Variants in ADAMTS20 observed in about 807,000 individuals in gnomAD.
ADAMTS20 encodes A disintegrin and metalloproteinase with thrombospondin motifs 20.
Under a neutral mutation model 260.1 loss-of-function variants are expected in ADAMTS20, and 225 were observed. The ratio of observed to expected loss-of-function variants is 0.87; its 90% CI spans 0.78 to 0.97. ADAMTS20 has a LOEUF of 0.97. Ranked by LOEUF, ADAMTS20 falls within the 50% of genes least tolerant of loss-of-function variation. The pLI, the probability that ADAMTS20 is intolerant of heterozygous loss-of-function variation, is 0.00. For missense variants in ADAMTS20, 2,400 were observed against 2,337.7 expected, an observed-to-expected ratio of 1.03 and a Z score of -0.55; for synonymous variants, 802 against 769.5, an observed-to-expected ratio of 1.04 and a Z score of -0.70.
chr12:43,462,640 A>G (rs1942083748), intron 11 of ADAMTS20, among the ~76,000 whole-genome samples: 1 of 152,228 alleles, frequency 6.6e-6, no homozygotes, highest in Admixed American at 6.5e-5. Flanking sequence ...ATACATAGAT[A>G]ACTATATATC....
chr12:43,483,195 A>G (rs1384307837), intron 7 of ADAMTS20, among the ~76,000 whole-genome samples: 1 of 152,082 alleles, frequency 6.6e-6, no homozygotes, highest in East Asian at 1.9e-4. Context: ...CCCAGCACCA[A>G]CCTGGGGTGT....
intron 3 of ADAMTS20, among the ~76,000 whole-genome samples, chr12:43,505,382 A>G (rs1942827248): frequency 6.6e-6 from 1 of 152,204 alleles, no homozygotes. Flanking sequence ...TTTACAAACT[A>G]TATATCTGAT....
intron 2 of ADAMTS20, among the ~76,000 whole-genome samples, chr12:43,539,243 G>A (rs145393120): frequency 5.3e-5 from 8 of 152,182 alleles, no homozygotes; most frequent in South Asian, 4.2e-4. Context: ...GAGCCACCAC[G>A]CCCAGGCTTT....
chr12:43,434,289 A>C lies in ADAMTS20; in HGVS notation c.2676T>G (p.Leu892=). The C allele has an allele frequency of 1.3e-6, 2 of 1,591,390 alleles. No homozygotes were observed. The highest frequency in any genetic ancestry group is 2.3e-5 in the East Asian group (1 of 44,330). Residue 892 remains leucine, a synonymous_variant, in exon 19 of 39, where the codon CTT becomes CTG. Transcript: ENST00000389420. ...TGCAACTTTGAGTAACAAATGATGG[A>C]AGTGGCAAGTGGTCACATTCTTTAT... ...VSDKECDHLP[L]PSFVTQSCNT...
chr12:43,373,418 A>G (rs960713114), intron 36 of ADAMTS20, among the ~76,000 whole-genome samples: 2 of 152,204 alleles, frequency 1.3e-5, no homozygotes, highest in African/African-American at 4.8e-5. Flanking sequence ...AGGGATGTCT[A>G]ATCTTTTGGC....
intron 16 of ADAMTS20, among the ~76,000 whole-genome samples, chr12:43,441,116 T>A (rs371203815): frequency 6.6e-6 from 1 of 151,190 alleles, no homozygotes; most frequent in East Asian, 1.9e-4. Flanking sequence ...TAGAAGGCCA[T>A]GCAATGACTA....
At chr12:43,525,684 T>A (rs1023962076) in intron 3 of ADAMTS20, among the ~76,000 whole-genome samples, 3 of 152,044 alleles carry the variant, frequency 2.0e-5, no homozygotes, top group African/African-American at 7.3e-5. Context: ...GAAAAATACA[T>A]TGAATGCAAA....
At chr12:43,474,356 C>T (rs1221711290) in intron 7 of ADAMTS20, among the ~76,000 whole-genome samples, 1 of 149,280 alleles carries the variant, frequency 6.7e-6, no homozygotes, top group African/African-American at 2.5e-5. Flanking sequence ...AATAGTTTAC[C>T]AACCAAAAAG....
intron 16 of ADAMTS20, among the ~76,000 whole-genome samples, chr12:43,440,929 C>T (rs894840466): frequency 6.6e-6 from 1 of 151,946 alleles, no homozygotes; most frequent in African/African-American, 2.4e-5. Flanking sequence ...GCCGGGCGTA[C>T]TGGCGGGCGC....
At chr12:43,500,068 G>A (rs935308206) in intron 4 of ADAMTS20, among the ~76,000 whole-genome samples, 20 of 150,094 alleles carry the variant, frequency 1.3e-4, no homozygotes, top group Non-Finnish European at 2.5e-4. Context: ...TCAGTCTGTC[G>A]GCCAGACTGG....
chr12:43,483,729 GA>G (rs1942476475), intron 7 of ADAMTS20, among the ~76,000 whole-genome samples: 1 of 152,076 alleles, frequency 6.6e-6, no homozygotes, highest in Non-Finnish European at 1.5e-5. Flanking sequence ...TCTTCCCCTT[GA>G]AAAGTCCTCA....
intron 18 of ADAMTS20, among the ~76,000 whole-genome samples, chr12:43,436,047 G>C (rs916470428): frequency 6.6e-6 from 1 of 151,886 alleles, no homozygotes; most frequent in East Asian, 1.9e-4. Flanking sequence ...AAATGACTAT[G>C]AGAAATTCTG....
In ADAMTS20 at chr12:43,462,907, G is replaced by GC; in HGVS notation, c.1601dup (p.Cys534TrpfsTer25). 6.2e-7 allele frequency: 1 copy of GC among 1,604,168 alleles called. No homozygotes were observed. Among genetic ancestry groups the GC allele is most frequent in the East Asian group, 2.2e-5 (1 of 44,696 alleles). On this transcript the variant is annotated frameshift_variant, in exon 11 of 39. Coordinates refer to ENST00000389420, the MANE Select transcript of ADAMTS20 (RefSeq NM_025003.5). LOFTEE classifies it high-confidence loss of function. ...CAAGAAAACCTACCATTCCAGGACC[G>GC]CAGTCTGTTCCATCTGCTGGTGGCA...
intron 3 of ADAMTS20, among the ~76,000 whole-genome samples, chr12:43,526,513 A>T (rs1943145949): frequency 6.6e-6 from 1 of 152,186 alleles, no homozygotes; most frequent in Admixed American, 6.5e-5. Flanking sequence ...GAAGTAAAAC[A>T]AGAAATCAAC....
At chr12:43,445,193 G>A (rs1365799029) in intron 15 of ADAMTS20, among the ~76,000 whole-genome samples, 2 of 152,072 alleles carry the variant, frequency 1.3e-5, no homozygotes, top group Non-Finnish European at 2.9e-5. Flanking sequence ...TTAACGCATT[G>A]TTCTATTTGC....
intron 2 of ADAMTS20, among the ~76,000 whole-genome samples, chr12:43,540,673 T>C (rs2137520403): frequency 6.6e-6 from 1 of 152,260 alleles, no homozygotes; most frequent in South Asian, 2.1e-4. Flanking sequence ...GAATTGTACT[T>C]AGATCATGCC....
intron 11 of ADAMTS20, 94 bp downstream of exon 11, chr12:43,462,801 T>C: frequency 1.0e-6 from 1 of 983,784 alleles, no homozygotes; most frequent in Non-Finnish European, 1.5e-6. Context: ...TGAAGAAAAG[T>C]TGACAGCAAA....
intron 4 of ADAMTS20, among the ~76,000 whole-genome samples, chr12:43,495,214 G>T (rs1353635566): frequency 6.6e-6 from 1 of 152,146 alleles, no homozygotes; most frequent in Non-Finnish European, 1.5e-5. Context: ...TATTCTGATA[G>T]TATAATTAAA....
rs145277890 is a variant in ADAMTS20, at chr12:43,492,622, G to T, written c.959C>A (p.Pro320Gln). 2 of 1,613,496 alleles carry T rather than the reference G, an allele frequency of 1.2e-6. No individual in the cohort carries two copies. Among genetic ancestry groups the T allele is most frequent in the South Asian group, 1.1e-5 (1 of 91,054 alleles). The change falls in exon 6 of 39, where the codon CCA (proline) becomes CAA (glutamine). Residue 320 changes from proline (P) to glutamine (Q), a missense_variant. Pro to Gln is a moderately conservative substitution (Grantham distance 76). Coordinates refer to ENST00000389420, the MANE Select transcript of ADAMTS20 (RefSeq NM_025003.5). ...LVMIHREEEG[P>Q]VINFDGATTL... ...GGTAGCACCATCAAAATTAATGACT[G>T]GTCCTTCCTATGCAAAATAAGCAAT...
Sources: gnomAD v4.1 joint callset for allele counts (sites outside exome capture counted in the v4.1 genomes callset) on GRCh38, gnomAD v4.1.1 for gene constraint, MANE v1.5 for transcripts, NCBI Gene and HGNC (gene_info 2026-07-23, HGNC 2026-07-21) for gene names.